ELAPOR2: variants seen among roughly 807,000 people sequenced by gnomAD.
ELAPOR2 encodes the protein endosome-lysosome associated apoptosis and autophagy regulator family member 2.
A neutral mutation model predicts 120.7 loss-of-function variants in ELAPOR2; 89 were observed. The ratio of observed to expected loss-of-function variants is 0.74; its 90% CI spans 0.62 to 0.88. The LOEUF is 0.88. Ranked by LOEUF, ELAPOR2 falls within the 40% of genes least tolerant of loss-of-function variation. ELAPOR2 has a pLI of 0.00. For synonymous variants in ELAPOR2, 444 were observed against 444.9 expected (o/e 1.00, Z 0.03); for missense variants, 1,134 against 1,251.6 (o/e 0.91, Z 1.42).
In ELAPOR2 at chr7:87,043,306, A is replaced by C. The variant is rs564543369; in HGVS notation, c.189+16019T>G. 3.4e-3 allele frequency among the ~76,000 whole-genome samples: 518 copies of C among 151,402 alleles called. 6 individuals carry two copies. Among genetic ancestry groups the C allele is most frequent in the African/African-American group, 0.01 (426 of 40,832 alleles). On this transcript the variant is annotated intron_variant, in intron 1 of 21. Transcript: ENST00000450689. ...TACCAAAGTCAGGCAGAGACACAACAAAAAAAGAGAATTTTAGACCAATAT... is the reference window on the plus strand; with the variant it reads ...TACCAAAGTCAGGCAGAGACACAACCAAAAAAGAGAATTTTAGACCAATAT...
At chr7:86,957,212 T>G (rs1279669143) in intron 2 of ELAPOR2, among the ~76,000 whole-genome samples, 3 of 152,240 alleles carry the variant, frequency 2.0e-5, no homozygotes, top group African/African-American at 7.2e-5. Context: ...TTCGCACACC[T>G]GGAACTCAAT....
At chr7:86,908,687 G>A (rs1442306740) in intron 16 of ELAPOR2, 144 bp from the exon 17 acceptor site, 5 of 445,312 alleles carry the variant, frequency 1.1e-5, no homozygotes, top group Non-Finnish European at 2.0e-5. Context: ...TGCATTCATG[G>A]TAAAAACAAG....
At position 86,909,984 on chromosome 7, in the gene ELAPOR2, G is replaced by A. The variant is rs755231332; in HGVS notation, c.2187C>T (p.Leu729=). ...TAAAGTCTGTTATATTGTTGGTACAGAGAGCCATCTTCTTCCCCTAGGAAA... is the reference window on the plus strand; with the variant it reads ...TAAAGTCTGTTATATTGTTGGTACAAAGAGCCATCTTCTTCCCCTAGGAAA... The part of the protein sequence containing the change: ...LCGHEGKKMA[L]CTNNITDFTV... Residue 729 remains leucine, a synonymous_variant, in exon 16 of 22, where the codon CTC becomes CTT. Transcript: ENST00000450689. 1.2e-6 allele frequency: 2 copies of A among 1,608,370 alleles called. No individual in the cohort carries two copies. Among genetic ancestry groups the A allele is most frequent in the Non-Finnish European group, 1.7e-6 (2 of 1,177,868 alleles).
At chr7:86,907,419 A>G (rs1311415426) in intron 18 of ELAPOR2, among the ~76,000 whole-genome samples, 1 of 152,052 alleles carries the variant, frequency 6.6e-6, no homozygotes, top group Admixed American at 6.6e-5. Flanking sequence ...TATTTCTTCA[A>G]GAGAATTAGA....
intron 1 of ELAPOR2, among the ~76,000 whole-genome samples, chr7:87,030,561 G>C (rs752157236): frequency 2.0e-5 from 3 of 152,184 alleles, no homozygotes; most frequent in Non-Finnish European, 2.9e-5. Context: ...CATATTTTGA[G>C]TTTGGCATAA....
chr7:86,929,851 G>C (rs1236374187), intron 8 of ELAPOR2, among the ~76,000 whole-genome samples: 1 of 151,774 alleles, frequency 6.6e-6, no homozygotes, highest in African/African-American at 2.4e-5. Context: ...TGGTTTAAAA[G>C]TGTGTGGCAC....
intron 1 of ELAPOR2, among the ~76,000 whole-genome samples, chr7:86,978,792 T>C (rs1033028417): frequency 2.0e-5 from 3 of 152,232 alleles, no homozygotes; most frequent in African/African-American, 7.2e-5. Context: ...ATATACATGG[T>C]AATATTTAGG....
chr7:86,916,348 G>T (rs904515006), intron 12 of ELAPOR2, among the ~76,000 whole-genome samples: 4 of 152,160 alleles, frequency 2.6e-5, no homozygotes, highest in African/African-American at 7.2e-5. Flanking sequence ...AGTATGATTG[G>T]AGTTCATCAG....
intron 1 of ELAPOR2, among the ~76,000 whole-genome samples, chr7:87,021,238 G>T (rs530956984): frequency 2.0e-4 from 30 of 152,118 alleles, no homozygotes; most frequent in African/African-American, 7.0e-4. Context: ...AGAAAAACTA[G>T]AAATAGAGCT....
intron 21 of ELAPOR2, among the ~76,000 whole-genome samples, chr7:86,880,865 A>G (rs556255962): frequency 2.0e-4 from 30 of 151,994 alleles, no homozygotes; most frequent in Non-Finnish European, 4.0e-4. Flanking sequence ...GCTGAAATCA[A>G]TGACCTAGCC....
intron 19 of ELAPOR2, among the ~76,000 whole-genome samples, chr7:86,895,003 C>T (rs1272269273): frequency 4.0e-5 from 6 of 151,862 alleles, no homozygotes; most frequent in Admixed American, 1.3e-4. Flanking sequence ...ATTTAACATA[C>T]GCGCCTGTAT....
intron 4 of ELAPOR2, among the ~76,000 whole-genome samples, chr7:86,942,486 T>A (rs947842102): frequency 6.6e-6 from 1 of 152,030 alleles, no homozygotes; most frequent in South Asian, 2.1e-4. Flanking sequence ...CCCAATAGTA[T>A]AAAAATAAAC....
chr7:87,007,770 G>A (rs890488564), intron 1 of ELAPOR2, among the ~76,000 whole-genome samples: 4 of 152,306 alleles, frequency 2.6e-5, no homozygotes, highest in Non-Finnish European at 4.4e-5. Context: ...ATGGCATCTA[G>A]CTCGATGGGG....
rs946113318 is a variant in ELAPOR2, at chr7:86,940,021, A to G, written c.836T>C (p.Ile279Thr). ...KAVKPVLVKN[I>T]TIEGVAYTSE... ...ATGCCATGAAATACCTTCAATTGTG[A>G]TATTTTTTACCAGCACAGGCTTGAC... The change falls in exon 6 of 22, where the codon ATC becomes ACC. Residue 279 changes from isoleucine (I) to threonine (T), a missense_variant. Coordinates refer to ENST00000450689, the MANE Select transcript of ELAPOR2 (RefSeq NM_001142749.3). 2.5e-6 allele frequency: 4 copies of G among 1,600,038 alleles called. No individual in the cohort carries two copies. Among genetic ancestry groups the G allele is most frequent in the Admixed American group, 1.7e-5 (1 of 59,466 alleles).
chr7:86,908,277 G>C (rs1240716958), intron 17 of ELAPOR2, among the ~76,000 whole-genome samples, 170 bp downstream of exon 17: 2 of 151,588 alleles, frequency 1.3e-5, no homozygotes, highest in East Asian at 3.9e-4. Flanking sequence ...TTAAGTATAA[G>C]CTACATTCTA....
At chr7:86,938,015 A>T in intron 8 of ELAPOR2, 111 bp downstream of exon 8, 1 of 764,844 alleles carries the variant, frequency 1.3e-6, no homozygotes, top group Non-Finnish European at 2.1e-6. Flanking sequence ...TTTCCTCTTT[A>T]CACTTACATA....
chr7:86,984,792 A>T (rs1165698598), intron 1 of ELAPOR2, among the ~76,000 whole-genome samples: 1 of 152,234 alleles, frequency 6.6e-6, no homozygotes, highest in Non-Finnish European at 1.5e-5. Flanking sequence ...AAGCAAGAAC[A>T]AACACATTCA....
At chr7:87,048,615 A>C (rs921300051) in intron 1 of ELAPOR2, among the ~76,000 whole-genome samples, 2 of 152,230 alleles carry the variant, frequency 1.3e-5, no homozygotes, top group African/African-American at 4.8e-5. Flanking sequence ...GTACATTTTT[A>C]AATAACTGAA....
chr7:86,957,321 C>G (rs1452034149), intron 2 of ELAPOR2, among the ~76,000 whole-genome samples: 1 of 152,134 alleles, frequency 6.6e-6, no homozygotes, highest in Non-Finnish European at 1.5e-5. Flanking sequence ...TTTTACAAAT[C>G]TGATTAGACC....
Sources: allele counts gnomAD v4.1 joint callset (sites outside exome capture counted in the v4.1 genomes callset), GRCh38; gene constraint gnomAD v4.1.1; transcripts MANE v1.5; gene names NCBI Gene and HGNC (gene_info 2026-07-23, HGNC 2026-07-21).